PRKD1: variants seen among roughly 807,000 people sequenced by gnomAD.
PRKD1 encodes the protein protein kinase D1.
Under a neutral mutation model 95.9 loss-of-function variants are expected in PRKD1, and 63 were observed. The ratio of observed to expected loss-of-function variants is 0.66; its 90% CI spans 0.54 to 0.81. The LOEUF (loss-of-function observed/expected upper bound fraction) is 0.81. Ranked by LOEUF, PRKD1 falls within the 30% of genes least tolerant of loss-of-function variation. The probability of loss-of-function intolerance (pLI) is 0.00; values close to 1 mark genes in which losing one functional copy is unlikely to be tolerated. For missense variants in PRKD1, 1,048 were observed against 1,165.3 expected (o/e 0.90, Z 1.47); for synonymous variants, 425 against 423.1 (o/e 1.00, Z -0.05).
chr14:29,833,569 T>C (rs1891496374), intron 1 of PRKD1, among the ~76,000 whole-genome samples: 2 of 151,928 alleles, frequency 1.3e-5, no homozygotes, highest in Admixed American at 1.3e-4. Flanking sequence ...TCAGAGGAAA[T>C]GGATTCTAAT....
At chr14:29,850,196 G>C (rs557298394) in intron 1 of PRKD1, among the ~76,000 whole-genome samples, 16 of 152,078 alleles carry the variant, frequency 1.1e-4, no homozygotes, top group Non-Finnish European at 2.2e-4. Flanking sequence ...GGAAGTCCTA[G>C]TCAGACCAAT....
In PRKD1 at chr14:29,597,652, T is replaced by C; in HGVS notation, c.2273A>G (p.Lys758Arg). 6.2e-7 allele frequency: 1 copy of C among 1,614,070 alleles called. No individual in the cohort carries two copies. The change falls in exon 16 of 18, where the codon AAG becomes AGG. Residue 758 changes from lysine (K) to arginine (R), a missense_variant. By Grantham distance (26) the Lys-to-Arg change is conservative. This residue lies in a region of PRKD1 where 739 missense variants were observed against 861.9 expected (regional missense o/e 0.86). Transcript: ENST00000331968. ...AYLAPEVLRN[K>R]GYNRSLDMWS... ...CATGTCTAGAGAGCGATTGTAGCCC[T>C]TGTTCCTTAGGACCTCAGGAGCCAG...
chr14:29,738,504 G>T (rs748556236), intron 1 of PRKD1, among the ~76,000 whole-genome samples: 39 of 152,144 alleles, frequency 2.6e-4, no homozygotes, highest in Non-Finnish European at 8.8e-5. Flanking sequence ...TGAGGTCTCT[G>T]TCCAGAAAAT....
intron 1 of PRKD1, among the ~76,000 whole-genome samples, chr14:29,815,274 GTTAT>G: frequency 6.6e-6 from 1 of 152,304 alleles, no homozygotes; most frequent in Middle Eastern, 3.4e-3. Flanking sequence ...AAGATAATTA[GTTAT>G]TTCTTTCTAT....
At chr14:29,808,214 T>C (rs1890320473) in intron 1 of PRKD1, among the ~76,000 whole-genome samples, 1 of 152,036 alleles carries the variant, frequency 6.6e-6, no homozygotes, top group African/African-American at 2.4e-5. Flanking sequence ...CTAAATCCTT[T>C]GTTGTCATTT....
At chr14:29,894,314 G>A (rs1045839855) in intron 1 of PRKD1, among the ~76,000 whole-genome samples, 43 of 152,354 alleles carry the variant, frequency 2.8e-4, no homozygotes, top group African/African-American at 1.0e-3. Flanking sequence ...AAATCACGCA[G>A]AGCCTTCCTT....
intron 4 of PRKD1, among the ~76,000 whole-genome samples, chr14:29,646,752 G>GAAA (rs368156410): frequency 4.9e-5 from 6 of 122,914 alleles, no homozygotes; most frequent in African/African-American, 1.8e-4. Context: ...AACAAAAAAC[G>GAAA]AAAAAAAAAA....
chr14:29,864,063 A>C (rs1045049857), intron 1 of PRKD1, among the ~76,000 whole-genome samples: 7 of 152,116 alleles, frequency 4.6e-5, no homozygotes, highest in African/African-American at 1.2e-4. Flanking sequence ...TTAAAGCATA[A>C]AATTTTTCTC....
Position 29,699,782 on chromosome 14 carries a change from T to C in PRKD1, c.403+25754A>G, listed in dbSNP as rs545029332. Among the ~76,000 whole-genome samples, 10 of 152,280 alleles carry C rather than the reference T, an allele frequency of 6.6e-5. No individual in the cohort carries two copies. In the East Asian group the frequency reaches 1.5e-3, roughly 24 times the overall value. ...CAACCCCACCTATGGTATAACACATTCTTTGTTTTACTGATTCAAAGTGAC... is the reference window on the plus strand; with the variant it reads ...CAACCCCACCTATGGTATAACACATCCTTTGTTTTACTGATTCAAAGTGAC... On this transcript the variant is annotated intron_variant, in intron 2 of 17. Coordinates refer to ENST00000331968, the MANE Select transcript of PRKD1 (RefSeq NM_002742.3).
chr14:29,738,928 T>G (rs1346357125), intron 1 of PRKD1, among the ~76,000 whole-genome samples: 1 of 151,876 alleles, frequency 6.6e-6, no homozygotes, highest in Admixed American at 6.6e-5. Flanking sequence ...ACTTCCCAGG[T>G]TGAAGTGAGT....
At chr14:29,693,639 A>AC (rs1362343431) in intron 2 of PRKD1, among the ~76,000 whole-genome samples, 2,390 of 119,120 alleles carry the variant, frequency 0.02, 66 homozygotes, top group African/African-American at 0.1. Flanking sequence ...AAAAAAAAAA[A>AC]AACAACAACA....
In PRKD1 at chr14:29,630,942, C is replaced by T; in HGVS notation, c.1472G>A (p.Cys491Tyr). Residue 491 changes from cysteine to tyrosine, a missense_variant, in exon 10 of 18, where the codon TGT becomes TAT. Around this residue, in one of 3 missense-constraint regions of PRKD1, gnomAD observed 739 missense variants for 861.9 expected, o/e 0.86. Coordinates refer to ENST00000331968, the MANE Select transcript of PRKD1 (RefSeq NM_002742.3). ...ALIPNGANPH[C>Y]FEITTANVVY... ...TACATTTGCCGTAGTGATTTCGAAA[C>T]AATGAGGATTGGCCCCATTAGGAAT... The T allele has an allele frequency of 6.2e-7, 1 of 1,614,004 alleles. No individual in the cohort carries two copies. The highest frequency in any genetic ancestry group is 2.2e-5 in the East Asian group (1 of 44,876).
rs45593135 is a variant in PRKD1, at chr14:29,624,956, CA to C, written c.1799-699del. Among the ~76,000 whole-genome samples, 1,421 of 152,040 alleles carry C rather than the reference CA, an allele frequency of 9.3e-3. 32 individuals carry two copies. The highest frequency in any genetic ancestry group is 0.032 in the African/African-American group (1,325 of 41,474). On this transcript the variant is annotated intron_variant, in intron 12 of 17. Coordinates refer to ENST00000331968, the MANE Select transcript of PRKD1 (RefSeq NM_002742.3). ...CTACACTACTATATTGTGGTAGGTA[CA>C]AAAATGTAGCAGTGTTAATTGAATC...
chr14:29,796,781 A>G (rs1365063038), intron 1 of PRKD1, among the ~76,000 whole-genome samples: 2 of 152,172 alleles, frequency 1.3e-5, no homozygotes, highest in Admixed American at 6.6e-5. Context: ...GGTGAGGACA[A>G]GAGTCTGATT....
intron 1 of PRKD1, among the ~76,000 whole-genome samples, chr14:29,800,496 C>T (rs1889982801): frequency 6.6e-6 from 1 of 152,156 alleles, no homozygotes; most frequent in African/African-American, 2.4e-5. Context: ...AACTTTGGGC[C>T]TAATAATGAA....
rs750048298 is a variant in PRKD1, at chr14:29,927,294, G to T, written c.219C>A (p.Ser73Arg). 1.7e-5 allele frequency: 26 copies of T among 1,544,822 alleles called. No homozygotes were observed. Among genetic ancestry groups the T allele is most frequent in the East Asian group, 2.6e-5 (1 of 38,712 alleles). ...LLLQDSSGDY[S>R]LAHVREMACS... ...AAGCCATCTCGCGGACGTGCGCCAG[G>T]CTGTAGTCCCCGGACGAGTCCTGCA... The change falls in exon 1 of 18, where the codon AGC (serine) becomes AGA (arginine). Residue 73 changes from serine (S) to arginine (R), a missense_variant. Coordinates refer to ENST00000331968, the MANE Select transcript of PRKD1 (RefSeq NM_002742.3).
intron 1 of PRKD1, among the ~76,000 whole-genome samples, chr14:29,787,215 GTTT>G (rs34161174): frequency 4.3e-3 from 366 of 85,226 alleles, no homozygotes; most frequent in Admixed American, 0.011. Context: ...TTTGTTCAGT[GTTT>G]TTTTTTTTTT....
At chr14:29,818,695 A>AATAGTT (rs1234870717) in intron 1 of PRKD1, among the ~76,000 whole-genome samples, 1 of 151,938 alleles carries the variant, frequency 6.6e-6, no homozygotes, top group African/African-American at 2.4e-5. Context: ...GAAAGTCACT[A>AATAGTT]ATAGTTATTT....
At chr14:29,904,259 G>T (rs1594616680) in intron 1 of PRKD1, among the ~76,000 whole-genome samples, 1 of 152,148 alleles carries the variant, frequency 6.6e-6, no homozygotes, top group African/African-American at 2.4e-5. Flanking sequence ...TAAAAGGGAA[G>T]AGGAACCATT....
Sources: gnomAD v4.1 joint callset for allele counts (sites outside exome capture counted in the v4.1 genomes callset) on GRCh38, gnomAD v4.1.1 for gene constraint, gnomAD v4.1.1 regional missense constraint, MANE v1.5 for transcripts, NCBI Gene and HGNC (gene_info 2026-07-23, HGNC 2026-07-21) for gene names.